The following ALG12 variants were observed in gnomAD, a reference collection of about 807,000 sequenced individuals.
ALG12 encodes the protein ALG12 alpha-1,6-mannosyltransferase.
In ALG12, 36 loss-of-function variants were observed where a neutral mutation model predicts 46.0. The observed-to-expected ratio is 0.78, with a 90% CI of 0.60 to 1.03. The LOEUF is 1.03. Ranked by LOEUF, ALG12 falls within the 50% of genes least tolerant of loss-of-function variation. ALG12 has a pLI of 0.00. For missense variants in ALG12, 599 were observed against 633.5 expected (o/e 0.95, Z 0.58); for synonymous variants, 326 against 291.6 (o/e 1.12, Z -1.20).
chr22:49,867,655 G>A, the ALG12 span, among the ~76,000 whole-genome samples: 3 of 152,200 alleles, frequency 2.0e-5, no homozygotes, highest in Non-Finnish European at 4.4e-5. Flanking sequence ...GATACCTGTT[G>A]GCTACTTGGG....
At chr22:49,913,240 G>T (rs886418128) in intron 3 of ALG12, 145 bp downstream of exon 3, 2 of 1,324,758 alleles carry the variant, frequency 1.5e-6, no homozygotes, top group South Asian at 1.2e-5. Context: ...CTGAGCACCT[G>T]CTCTGAGCCG....
At chr22:49,886,891 A>C in the ALG12 span, 1 of 1,614,134 alleles carries the variant, frequency 6.2e-7, no homozygotes, top group Non-Finnish European at 8.5e-7. This position sits in a 1 kb window ranked among gnomAD's most constrained non-coding sequence, Gnocchi z 7.7. Flanking sequence ...GAAAGACCCA[A>C]GAGAAAAGCT....
chr22:49,909,021 G>A (rs1187017716), intron 6 of ALG12, among the ~76,000 whole-genome samples: 1 of 151,706 alleles, frequency 6.6e-6, no homozygotes, highest in Non-Finnish European at 1.5e-5. Context: ...GGGCAGGGCT[G>A]TTTCCAGCCC....
In ALG12 at chr22:49,903,129, T is replaced by C; in HGVS notation, c.*709A>G. ...AGGCTGACAGCACCAAGCTGTCCCT[T>C]TACCATAACACCTGGAATAGTCACC... On this transcript the variant is annotated 3_prime_UTR_variant, in exon 10 of 10. Coordinates refer to ENST00000330817, the MANE Select transcript of ALG12 (RefSeq NM_024105.4). The C allele has an allele frequency of 2.8e-6, 1 of 355,616 alleles. No homozygotes were observed. 22.0% of individuals were successfully genotyped at this position (355,616 alleles called of 1,614,324 possible).
chr22:49,884,265 C>T, the ALG12 span: 1 of 1,610,200 alleles, frequency 6.2e-7, no homozygotes, highest in Non-Finnish European at 8.5e-7. Context: ...ACCTCAGCAC[C>T]ATCCTCTCAC....
At chr22:49,909,179 G>A (rs2146606338) in intron 6 of ALG12, 65 bp downstream of exon 6, 2 of 1,514,358 alleles carry the variant, frequency 1.3e-6, no homozygotes, top group Non-Finnish European at 9.2e-7. Flanking sequence ...CACTGCCCAT[G>A]GAGGCCCAGG....
At chr22:49,875,093 T>G in the ALG12 span, among the ~76,000 whole-genome samples, 1 of 152,218 alleles carries the variant, frequency 6.6e-6, no homozygotes, top group Non-Finnish European at 1.5e-5. Context: ...TGTTAAGGAT[T>G]TTTTTTCTGT....
the ALG12 span, chr22:49,883,773 G>A: frequency 6.2e-7 from 1 of 1,613,316 alleles, no homozygotes. Flanking sequence ...CTGATAGTTT[G>A]GAAAGAATGG....
chr22:49,878,510 T>C, the ALG12 span, among the ~76,000 whole-genome samples: 1 of 152,176 alleles, frequency 6.6e-6, no homozygotes, highest in African/African-American at 2.4e-5. Flanking sequence ...GGAGAAAGGA[T>C]TGTCCTTTCA....
the ALG12 span, chr22:49,884,985 T>G: frequency 6.2e-7 from 1 of 1,613,568 alleles, no homozygotes. Flanking sequence ...CTAGATTGTT[T>G]GAATCTGGCG....
chr22:49,893,342 TAAC>T, the ALG12 span, among the ~76,000 whole-genome samples: 1 of 151,970 alleles, frequency 6.6e-6, no homozygotes, highest in Non-Finnish European at 1.5e-5. Flanking sequence ...AAATTGAAAA[TAAC>T]AACCTGCACC....
chr22:49,861,294 AC>A, the ALG12 span, among the ~76,000 whole-genome samples: 1 of 151,946 alleles, frequency 6.6e-6, no homozygotes, highest in African/African-American at 2.4e-5. Flanking sequence ...GGCACCCGCC[AC>A]CACGCCCAGC....
At position 49,905,463 on chromosome 22, in the gene ALG12, T is replaced by C. The variant is rs2060537420; in HGVS notation, c.993-957A>G. 1.3e-5 allele frequency among the ~76,000 whole-genome samples: 2 copies of C among 152,194 alleles called. No individual in the cohort carries two copies. The highest frequency in any genetic ancestry group is 6.5e-5 in the Admixed American group (1 of 15,286). On this transcript the variant is annotated intron_variant, in intron 7 of 9. Coordinates refer to ENST00000330817, the MANE Select transcript of ALG12 (RefSeq NM_024105.4). The surrounding 1 kb of genome is among the most constrained non-coding windows in gnomAD (Gnocchi z 4.9). ...GGCCTGGTGGGAGGTGACTGGGTCA[T>C]GGAGGTGGAGCCCTCAGGAATGGAT... is the stretch of plus-strand genomic sequence containing the variant.
At chr22:49,908,813 G>A (rs1438207287) in intron 6 of ALG12, among the ~76,000 whole-genome samples, 1 of 151,114 alleles carries the variant, frequency 6.6e-6, no homozygotes, top group Non-Finnish European at 1.5e-5. Context: ...TTAGCCAGGT[G>A]TGGTGGCGTG....
the ALG12 span, among the ~76,000 whole-genome samples, chr22:49,874,116 G>C: frequency 6.6e-6 from 1 of 152,186 alleles, no homozygotes; most frequent in Admixed American, 6.5e-5. Context: ...AGGCAGTTCT[G>C]ATTTTCTCTG....
At chr22:49,887,278 C>A in the ALG12 span, 2 of 1,303,302 alleles carry the variant, frequency 1.5e-6, no homozygotes, top group Non-Finnish European at 2.1e-6. Flanking sequence ...TGTACGACAT[C>A]AGACCAGGCA....
At chr22:49,890,342 T>G in the ALG12 span, among the ~76,000 whole-genome samples, 3 of 152,144 alleles carry the variant, frequency 2.0e-5, no homozygotes, top group African/African-American at 7.2e-5. Flanking sequence ...CAAAACAACA[T>G]TTTTATTTCT....
the ALG12 span, chr22:49,888,761 T>C: frequency 6.0e-6 from 1 of 167,274 alleles, no homozygotes. Flanking sequence ...CTTGTTCCCG[T>C]GAGAACAGCC....
the ALG12 span, among the ~76,000 whole-genome samples, chr22:49,868,091 CAG>C: frequency 2.0e-5 from 3 of 152,236 alleles, no homozygotes; most frequent in African/African-American, 7.2e-5. Flanking sequence ...GTCATTAAAT[CAG>C]GGACCCACTT....
Sources: gnomAD v4.1 joint callset for allele counts (sites outside exome capture counted in the v4.1 genomes callset) on GRCh38, gnomAD v4.1.1 for gene constraint, Gnocchi (gnomAD v3.1) non-coding constraint, MANE v1.5 for transcripts, NCBI Gene and HGNC (gene_info 2026-07-23, HGNC 2026-07-21) for gene names.